The following HFM1 variants were observed in gnomAD, a reference collection of about 807,000 sequenced individuals.
HFM1 encodes the protein helicase for meiosis 1.
A neutral mutation model predicts 192.1 loss-of-function variants in HFM1; 169 were observed. That is an observed-to-expected ratio of 0.88 (90% confidence interval 0.78 to 1.00). The LOEUF (loss-of-function observed/expected upper bound fraction) is 1.00. HFM1 is among the 50% of genes least tolerant of loss of function. HFM1 has a pLI of 0.00. For missense variants in HFM1, 1,661 were observed against 1,668.0 expected (o/e 1.00, Z 0.07); for synonymous variants, 525 against 537.8 (o/e 0.98, Z 0.33).
intron 29 of HFM1, 106 bp from the exon 30 acceptor site, chr1:91,313,601 C>T: frequency 1.5e-6 from 1 of 673,690 alleles, no homozygotes; most frequent in East Asian, 3.1e-5. Flanking sequence ...ACTTCTAGAG[C>T]TAAGAAGTCC....
chr1:91,400,350 T>G (rs769622756), intron 2 of HFM1, among the ~76,000 whole-genome samples: 3 of 152,244 alleles, frequency 2.0e-5, no homozygotes, highest in African/African-American at 4.8e-5. Context: ...CTGTCCATTC[T>G]GTTTCCAGAT....
rs1426487186 is a variant in HFM1, at chr1:91,396,414, A to G, written c.72-9T>C. On this transcript the variant is annotated splice_polypyrimidine_tract_variant and intron_variant, in intron 2 of 38. Coordinates refer to ENST00000370425, the MANE Select transcript of HFM1 (RefSeq NM_001017975.6). ...TTTCATTGTCTGGATGGCTATATAA[A>G]ATATAAAAATGTGAGTATATATGTT... 1 of 1,392,452 alleles carries G rather than the reference A, an allele frequency of 7.2e-7. No homozygotes were observed. Among genetic ancestry groups the G allele is most frequent in the Admixed American group, 1.9e-5 (1 of 53,666 alleles). 86.3% of individuals were successfully genotyped at this position (1,392,452 alleles called of 1,614,324 possible).
At chr1:91,288,630 C>A (rs1668312295) in intron 30 of HFM1, among the ~76,000 whole-genome samples, 1 of 152,038 alleles carries the variant, frequency 6.6e-6, no homozygotes, top group Admixed American at 6.5e-5. Flanking sequence ...GCACATCTTG[C>A]ACCGCCCTTA....
At chr1:91,352,710 T>TTTTTTAATAATGTC (rs1553213084) in intron 15 of HFM1, 59 bp from the exon 16 acceptor site, 32 of 1,270,114 alleles carry the variant, frequency 2.5e-5, no homozygotes, top group Non-Finnish European at 9.6e-6. Flanking sequence ...TTCAGGAACA[T>TTTTTTAATAATGTC]TTTTTAATAA....
At chr1:91,407,207 G>C (rs148207085), upstream of HFM1, among the ~76,000 whole-genome samples, 202 of 152,214 alleles carry the variant, frequency 1.3e-3, 1 homozygote, top group South Asian at 0.013. Flanking sequence ...GGGCCCGTTG[G>C]GGGGTGAGGG....
intron 2 of HFM1, among the ~76,000 whole-genome samples, chr1:91,398,263 A>T (rs1663910446): frequency 6.6e-6 from 1 of 152,016 alleles, no homozygotes; most frequent in Non-Finnish European, 1.5e-5. Flanking sequence ...TAATTTCCCA[A>T]TTTTTTTCCA....
intron 13 of HFM1, among the ~76,000 whole-genome samples, chr1:91,353,577 C>T (rs928178451): frequency 6.9e-6 from 1 of 144,852 alleles, no homozygotes; most frequent in Non-Finnish European, 1.5e-5. Context: ...GTATAAAAGT[C>T]TACTCTCATA....
upstream of HFM1, among the ~76,000 whole-genome samples, chr1:91,405,947 A>G (rs1343100982): frequency 6.6e-6 from 1 of 152,240 alleles, no homozygotes; most frequent in Non-Finnish European, 1.5e-5. Flanking sequence ...GAAAATAACG[A>G]AACAGTGCAT....
At chr1:91,355,092 G>A (rs1451820913) in intron 13 of HFM1, among the ~76,000 whole-genome samples, 2 of 152,012 alleles carry the variant, frequency 1.3e-5, no homozygotes, top group Admixed American at 6.6e-5. Flanking sequence ...CATAAATTGT[G>A]GGGGGAGGGC....
At chr1:91,341,628 A>G (rs1487800430) in intron 20 of HFM1, among the ~76,000 whole-genome samples, 1 of 152,168 alleles carries the variant, frequency 6.6e-6, no homozygotes, top group Non-Finnish European at 1.5e-5. Flanking sequence ...GAACCACACA[A>G]ATGATCAACA....
intron 6 of HFM1, among the ~76,000 whole-genome samples, chr1:91,384,769 G>T (rs186581544): frequency 6.8e-6 from 1 of 147,956 alleles, no homozygotes; most frequent in Non-Finnish European, 1.5e-5. Context: ...TTTTGAGATG[G>T]AGTCTCACTC....
intron 19 of HFM1, among the ~76,000 whole-genome samples, chr1:91,345,285 G>A (rs1366836712): frequency 6.6e-6 from 1 of 152,034 alleles, no homozygotes; most frequent in South Asian, 2.1e-4. Flanking sequence ...CAAAAATAAG[G>A]AACAAAGTGT....
chr1:91,311,090 T>C (rs978587783), intron 30 of HFM1, among the ~76,000 whole-genome samples: 4 of 152,238 alleles, frequency 2.6e-5, no homozygotes, highest in Admixed American at 1.3e-4. Context: ...AAAATGCTGA[T>C]AGCAATATGG....
chr1:91,313,596 T>C lies in HFM1; in HGVS notation c.3245-101A>G, dbSNP rs190866168. The C allele has an allele frequency of 1.6e-5, 12 of 760,334 alleles. No individual in the cohort carries two copies. In the African/African-American group the frequency reaches 2.2e-4, roughly 14 times the overall value. The allele number at this position is 760,334 out of a possible 1,614,324, so 47.1% of individuals were successfully genotyped here. A position where few individuals can be genotyped will look rare whatever the true frequency, so the allele number is the denominator to read the frequency against. ...ATCTCTCTTACATTTTTATAACTTCTAGAGCTAAGAAGTCCAGAAAGTTAA... is the reference window on the plus strand; with the variant it reads ...ATCTCTCTTACATTTTTATAACTTCCAGAGCTAAGAAGTCCAGAAAGTTAA... On this transcript the variant is annotated intron_variant, in intron 29 of 38. Transcript: ENST00000370425.
At chr1:91,389,615 A>C (rs282018) in intron 4 of HFM1, among the ~76,000 whole-genome samples, 152,071 of 152,254 alleles carry the variant, frequency 1, 75,944 homozygotes, top group Non-Finnish European at 1. Flanking sequence ...AGAACCCAAC[A>C]ATGCTGGCAC....
rs1449312754 is a variant in HFM1 at position 91,273,799 on chromosome 1, T to C, written c.3685A>G (p.Ile1229Val). ...TGCTCCATTATAGGCAATTCAGATA[T>C]GTTTAAATATTCTGACCTTTATAAA... is the stretch of plus-strand genomic sequence containing the variant. ...PSISRSEYLN[I>V]SELPIMEQWD... The change falls in exon 34 of 39, where the codon ATA (isoleucine) becomes GTA (valine). Residue 1229 changes from isoleucine (I) to valine (V), a missense_variant. Ile to Val is a conservative substitution (Grantham distance 29). Coordinates refer to ENST00000370425, the MANE Select transcript of HFM1 (RefSeq NM_001017975.6). 3.2e-6 allele frequency: 5 copies of C among 1,567,036 alleles called. No homozygotes were observed. The highest frequency in any genetic ancestry group is 1.1e-5 in the South Asian group (1 of 89,098).
intron 13 of HFM1, among the ~76,000 whole-genome samples, chr1:91,371,281 C>G (rs1307739693): frequency 0.016 from 1,508 of 92,600 alleles, no homozygotes; most frequent in South Asian, 0.02. Context: ...CCCGCATTGC[C>G]AAGTCAATTC....
intron 37 of HFM1, 31 bp downstream of exon 37, chr1:91,262,450 A>T: frequency 6.4e-7 from 1 of 1,574,360 alleles, no homozygotes; most frequent in Non-Finnish European, 8.7e-7. Flanking sequence ...GGCAAAATTT[A>T]AAAGAAAAAC....
intron 20 of HFM1, among the ~76,000 whole-genome samples, chr1:91,340,533 T>C (rs1391385895): frequency 6.6e-6 from 1 of 152,064 alleles, no homozygotes; most frequent in East Asian, 1.9e-4. Flanking sequence ...ATTGACACTA[T>C]AAAGCAACTA....
Sources: allele counts gnomAD v4.1 joint callset (sites outside exome capture counted in the v4.1 genomes callset), GRCh38; gene constraint gnomAD v4.1.1; transcripts MANE v1.5; gene names NCBI Gene and HGNC (gene_info 2026-07-23, HGNC 2026-07-21).